The following FZD2 variants were observed in gnomAD, a reference collection of about 807,000 sequenced individuals.
The protein encoded by FZD2 is frizzled class receptor 2.
FZD2 carries 17 observed loss-of-function variants against 36.7 expected under a neutral mutation model. That is an observed-to-expected ratio of 0.46 (90% confidence interval 0.32 to 0.70). The LOEUF is 0.70. Among genes scored for constraint, FZD2 ranks in the 30% least tolerant of loss-of-function variants. FZD2 has a pLI of 0.04. For missense variants in FZD2, 525 were observed against 805.6 expected (o/e 0.65, Z 4.22); for synonymous variants, 333 against 359.6 (o/e 0.93, Z 0.84).
Position 44,558,410 on chromosome 17 carries a change from C to T in FZD2, c.722C>T (p.Thr241Met). 1.3e-6 allele frequency: 2 copies of T among 1,570,270 alleles called. No individual in the cohort carries two copies. The highest frequency in any genetic ancestry group is 1.7e-6 in the Non-Finnish European group (2 of 1,161,794). ...TCCATGTTCTTCTCACAGGAGGAGACGCGTTTCGCGCGCCTCTGGATCCTC... is the reference window on the plus strand; with the variant it reads ...TCCATGTTCTTCTCACAGGAGGAGATGCGTTTCGCGCGCCTCTGGATCCTC... ...DGSMFFSQEETRFARLWILTW... is the reference protein window; with the variant it reads ...DGSMFFSQEEMRFARLWILTW... Residue 241 changes from threonine to methionine, a missense_variant, in exon 1 of 1, where the codon ACG becomes ATG. Physicochemically the swap from Thr to Met is moderately conservative, Grantham distance 81 (BLOSUM62 -1). This residue lies in a region of FZD2 where 257 missense variants were observed against 344.4 expected (regional missense o/e 0.75). Coordinates refer to ENST00000315323, the MANE Select transcript of FZD2 (RefSeq NM_001466.4). The surrounding 1 kb of genome is among the most constrained non-coding windows in gnomAD (Gnocchi z 9.3).
rs1017947835 is a variant in FZD2, at chr17:44,557,787, C to G, written c.99C>G (p.Ile33Met). Reference protein sequence around the residue: ...AQFHGEKGISIPDHGFCQPIS... With the variant: ...AQFHGEKGISMPDHGFCQPIS... Reference sequence around the variant, plus strand: ...TCCACGGGGAGAAGGGCATCTCCATCCCGGACCACGGCTTCTGCCAGCCCA... The same window carrying G: ...TCCACGGGGAGAAGGGCATCTCCATGCCGGACCACGGCTTCTGCCAGCCCA... The change falls in exon 1 of 1, where the codon ATC (isoleucine) becomes ATG (methionine). Residue 33 changes from isoleucine to methionine, a missense_variant. By Grantham distance (10) the Ile-to-Met change is conservative. This residue lies in a region of FZD2 where 29 missense variants were observed against 82.4 expected (regional missense o/e 0.35). Transcript: ENST00000315323. This position sits in a 1 kb window ranked among gnomAD's most constrained non-coding sequence, Gnocchi z 4.9. 3.7e-6 allele frequency: 6 copies of G among 1,613,720 alleles called. No homozygotes were observed. Among genetic ancestry groups the G allele is most frequent in the African/African-American group, 1.3e-5 (1 of 75,032 alleles).
In FZD2 at chr17:44,557,692, C is replaced by A; in HGVS notation, c.4C>A (p.Arg2=). Residue 2 remains arginine, a synonymous_variant, in exon 1 of 1, where the codon CGG becomes AGG. Transcript: ENST00000315323. The surrounding 1 kb of genome is among the most constrained non-coding windows in gnomAD (Gnocchi z 4.9). M[R]PRSALPRLLL... Reference sequence around the variant, plus strand: ...CGGGTGGGGGGCGGCGGCCAGCATGCGGCCCCGCAGCGCCCTGCCCCGCCT... The same window carrying A: ...CGGGTGGGGGGCGGCGGCCAGCATGAGGCCCCGCAGCGCCCTGCCCCGCCT... The A allele has an allele frequency of 7.5e-7, 1 of 1,333,866 alleles. No homozygotes were observed. Among genetic ancestry groups the A allele is most frequent in the South Asian group, 2.1e-5 (1 of 47,094 alleles). The allele number at this position is 1,333,866 out of a possible 1,614,324, so 82.6% of individuals were successfully genotyped here.
At position 44,557,650 on chromosome 17, in the gene FZD2, G is replaced by A. The variant is rs938927008; in HGVS notation, c.-39G>A. The A allele has an allele frequency of 3.5e-6, 4 of 1,147,764 alleles. No homozygotes were observed. The African/African-American group carries it at 6.5e-5, about 19-fold the overall frequency. 71.1% of individuals were successfully genotyped at this position (1,147,764 alleles called of 1,614,324 possible). A position where few individuals can be genotyped will look rare whatever the true frequency, so the allele number is the denominator to read the frequency against. On this transcript the variant is annotated 5_prime_UTR_variant, in exon 1 of 1. Coordinates refer to ENST00000315323, the MANE Select transcript of FZD2 (RefSeq NM_001466.4). This position sits in a 1 kb window ranked among gnomAD's most constrained non-coding sequence, Gnocchi z 4.9. ...GTCTCCGGGTTGGGGGCGGGGGCGG[G>A]GGGGGCGCCAAGGAGCCGGGTGGGG...
chr17:44,557,746 G>C lies in FZD2; in HGVS notation c.58G>C (p.Ala20Pro). 1.2e-6 allele frequency: 2 copies of C among 1,607,626 alleles called. No individual in the cohort carries two copies. The highest frequency in any genetic ancestry group is 1.7e-6 in the Non-Finnish European group (2 of 1,177,894). ...LLLPLLLLPA[A>P]GPAQFHGEKG... ...GCTGCCGCTGCTGCTGCTGCCCGCC[G>C]CCGGGCCGGCCCAGTTCCACGGGGA... The change falls in exon 1 of 1, where the codon GCC (alanine) becomes CCC (proline). Residue 20 changes from alanine to proline, a missense_variant. Ala to Pro is a conservative substitution (Grantham distance 27, BLOSUM62 -1). Transcript: ENST00000315323. The surrounding 1 kb of genome is among the most constrained non-coding windows in gnomAD (Gnocchi z 4.9).
At position 44,559,533 on chromosome 17, in the gene FZD2, C is replaced by A. The variant is rs1248985732; in HGVS notation, c.*147C>A. On this transcript the variant is annotated 3_prime_UTR_variant, in exon 1 of 1. Transcript: ENST00000315323. The surrounding 1 kb of genome is among the most constrained non-coding windows in gnomAD (Gnocchi z 4.4). ...TTTTAAAAGAGAACTCTCTGCCCAA[C>A]ACCCCCACAAGGTTTGTAATTAAAA... 9.4e-7 allele frequency: 1 copy of A among 1,062,252 alleles called. No homozygotes were observed. The highest frequency in any genetic ancestry group is 1.3e-6 in the Non-Finnish European group (1 of 782,390). 65.8% of individuals were successfully genotyped at this position (1,062,252 alleles called of 1,614,324 possible). A position where few individuals can be genotyped will look rare whatever the true frequency, so the allele number is the denominator to read the frequency against.
rs1036921009 is a variant in FZD2 at position 44,557,638 on chromosome 17, G to A, written c.-51G>A. The A allele has an allele frequency of 1.8e-5, 20 of 1,097,954 alleles. No homozygotes were observed. The African/African-American group carries it at 2.3e-4, about 13-fold the overall frequency. 68.0% of individuals were successfully genotyped at this position (1,097,954 alleles called of 1,614,324 possible). On this transcript the variant is annotated 5_prime_UTR_variant, in exon 1 of 1. Transcript: ENST00000315323. This position sits in a 1 kb window ranked among gnomAD's most constrained non-coding sequence, Gnocchi z 4.9. ...GGAAGAAGCGCAGTCTCCGGGTTGG[G>A]GGCGGGGGCGGGGGGGGCGCCAAGG...
Position 44,558,147 on chromosome 17 carries a change from G to C in FZD2, c.459G>C (p.Gln153His). 5 of 1,596,642 alleles carry C rather than the reference G, an allele frequency of 3.1e-6. No homozygotes were observed. The highest frequency in any genetic ancestry group is 4.3e-6 in the Non-Finnish European group (5 of 1,173,440). The change falls in exon 1 of 1, where the codon CAG becomes CAC. Residue 153 changes from glutamine (Q) to histidine (H), a missense_variant. Coordinates refer to ENST00000315323, the MANE Select transcript of FZD2 (RefSeq NM_001466.4). The surrounding 1 kb of genome is among the most constrained non-coding windows in gnomAD (Gnocchi z 9.3). ...RHGAEQICVG[Q>H]NHSEDGAPAL... is the part of the protein sequence containing the mutation. ...GCGCCGAGCAGATCTGCGTCGGCCA[G>C]AACCACTCCGAGGACGGAGCTCCCG...
In FZD2 at chr17:44,559,970, T is replaced by C. The variant is rs1970870843; in HGVS notation, c.*584T>C. On this transcript the variant is annotated 3_prime_UTR_variant, in exon 1 of 1. Transcript: ENST00000315323. The surrounding 1 kb of genome is among the most constrained non-coding windows in gnomAD (Gnocchi z 4.4). The stretch of plus-strand genomic sequence containing the variant: ...TCTTTCCCTACTCATTTGTCCTGTC[T>C]TCTTCACTCACTCTTGGAAAAGTCC... Among the ~76,000 whole-genome samples the C allele has an allele frequency of 6.6e-6, 1 of 152,204 alleles. No individual in the cohort carries two copies. The highest frequency in any genetic ancestry group is 2.4e-5 in the African/African-American group (1 of 41,446).
Position 44,558,844 on chromosome 17 carries a change from A to C in FZD2, c.1156A>C (p.Thr386Pro). The C allele has an allele frequency of 6.2e-7, 1 of 1,613,736 alleles. No individual in the cohort carries two copies. Among genetic ancestry groups the C allele is most frequent in the Non-Finnish European group, 8.5e-7 (1 of 1,179,918 alleles). Residue 386 changes from threonine (T) to proline (P), a missense_variant, in exon 1 of 1, where the codon ACC becomes CCC. Physicochemically the swap from Thr to Pro is conservative, Grantham distance 38 (BLOSUM62 -1). Coordinates refer to ENST00000315323, the MANE Select transcript of FZD2 (RefSeq NM_001466.4). The surrounding 1 kb of genome is among the most constrained non-coding windows in gnomAD (Gnocchi z 9.3). ...GGCCGTGCCGGCCGTCAAGACCATC[A>C]CCATCCTGGCCATGGGCCAGATCGA... ...AWAVPAVKTI[T>P]ILAMGQIDGD...
Position 44,558,038 on chromosome 17 carries a change from C to T in FZD2, c.350C>T (p.Ala117Val). ...IPPCRSICER[A>V]RQGCEALMNK... ...CCGTGCCGCTCTATCTGTGAGCGCG[C>T]GCGCCAGGGCTGCGAAGCCCTCATG... The change falls in exon 1 of 1, where the codon GCG becomes GTG. Residue 117 changes from alanine (A) to valine (V), a missense_variant. By Grantham distance (64) the Ala-to-Val change is moderately conservative (BLOSUM62 0). Around this residue, in one of 5 missense-constraint regions of FZD2, gnomAD observed 257 missense variants for 344.4 expected, o/e 0.75. Coordinates refer to ENST00000315323, the MANE Select transcript of FZD2 (RefSeq NM_001466.4). The surrounding 1 kb of genome is among the most constrained non-coding windows in gnomAD (Gnocchi z 9.3). 6.2e-7 allele frequency: 1 copy of T among 1,612,848 alleles called. No homozygotes were observed. Among genetic ancestry groups the T allele is most frequent in the Non-Finnish European group, 8.5e-7 (1 of 1,180,002 alleles).
In FZD2 at chr17:44,561,235, A is replaced by G. The variant is rs1436884428; in HGVS notation, c.*1849A>G. Among the ~76,000 whole-genome samples, 1 of 152,224 alleles carries G rather than the reference A, an allele frequency of 6.6e-6. No homozygotes were observed. Reference sequence around the variant, plus strand: ...TGTAAATTAAAAGCTAATAATCATAATAATAAAGTGCATTTAATTATCTTT... The same window carrying G: ...TGTAAATTAAAAGCTAATAATCATAGTAATAAAGTGCATTTAATTATCTTT... On this transcript the variant is annotated 3_prime_UTR_variant, in exon 1 of 1. Transcript: ENST00000315323.
In FZD2 at chr17:44,558,600, G is replaced by C; in HGVS notation, c.912G>C (p.Val304=). 1 of 1,612,934 alleles carries C rather than the reference G, an allele frequency of 6.2e-7. No homozygotes were observed. Among genetic ancestry groups the C allele is most frequent in the South Asian group, 1.1e-5 (1 of 90,914 alleles). ...CGGGCTTCGTGCTCCAGGAGCGCGT[G>C]GTGTGCAACGAGCGCTTCTCCGAGG... ...YIAGFVLQER[V]VCNERFSEDG... is the part of the protein sequence containing the mutation. The change falls in exon 1 of 1, where the codon GTG becomes GTC. Residue 304 remains valine, a synonymous_variant. Transcript: ENST00000315323. The surrounding 1 kb of genome is among the most constrained non-coding windows in gnomAD (Gnocchi z 9.3).
rs181996309 is a variant in FZD2, at chr17:44,559,110, C to T, written c.1422C>T (p.Thr474=). Residue 474 remains threonine (T), a synonymous_variant, in exon 1 of 1, where the codon ACC becomes ACT. Coordinates refer to ENST00000315323, the MANE Select transcript of FZD2 (RefSeq NM_001466.4). This position sits in a 1 kb window ranked among gnomAD's most constrained non-coding sequence, Gnocchi z 4.4. Reference sequence around the variant, plus strand: ...CCGTGCTCTACACAGTGCCCGCCACCATCGTCATCGCTTGCTACTTCTACG... The same window carrying T: ...CCGTGCTCTACACAGTGCCCGCCACTATCGTCATCGCTTGCTACTTCTACG... ...VFSVLYTVPA[T]IVIACYFYEQ... is the part of the protein sequence containing the mutation. 194 of 1,614,110 alleles carry T rather than the reference C, an allele frequency of 1.2e-4. No homozygotes were observed. The highest frequency in any genetic ancestry group is 1.2e-3 in the Admixed American group (71 of 60,028).
Position 44,558,121 on chromosome 17 carries a change from G to C in FZD2, c.433G>C (p.Gly145Arg), listed in dbSNP as rs1390054192. 4 of 1,606,794 alleles carry C rather than the reference G, an allele frequency of 2.5e-6. No individual in the cohort carries two copies. The highest frequency in any genetic ancestry group is 2.7e-5 in the African/African-American group (2 of 74,972). ...RLRCEHFPRHGAEQICVGQNH... is the reference protein window; with the variant it reads ...RLRCEHFPRHRAEQICVGQNH... Reference sequence around the variant, plus strand: ...GCGCTGCGAGCACTTCCCGCGCCACGGCGCCGAGCAGATCTGCGTCGGCCA... The same window carrying C: ...GCGCTGCGAGCACTTCCCGCGCCACCGCGCCGAGCAGATCTGCGTCGGCCA... The change falls in exon 1 of 1, where the codon GGC (glycine) becomes CGC (arginine). Residue 145 changes from glycine to arginine, a missense_variant. Coordinates refer to ENST00000315323, the MANE Select transcript of FZD2 (RefSeq NM_001466.4). The surrounding 1 kb of genome is among the most constrained non-coding windows in gnomAD (Gnocchi z 9.3).
chr17:44,559,600 T>C lies in FZD2; in HGVS notation c.*214T>C, dbSNP rs1970866308. 4.4e-6 allele frequency: 2 copies of C among 458,770 alleles called. No homozygotes were observed. The highest frequency in any genetic ancestry group is 2.0e-5 in the African/African-American group (1 of 49,060). 28.4% of individuals were successfully genotyped at this position (458,770 alleles called of 1,614,324 possible). On this transcript the variant is annotated 3_prime_UTR_variant, in exon 1 of 1. Coordinates refer to ENST00000315323, the MANE Select transcript of FZD2 (RefSeq NM_001466.4). The surrounding 1 kb of genome is among the most constrained non-coding windows in gnomAD (Gnocchi z 4.4). ...TAAATTTAATTATATATATTTTCTA[T>C]TTAAAAGAAAAAAGGAGAAAAAAAA...
chr17:44,558,354 T>C lies in FZD2; in HGVS notation c.666T>C (p.Ala222=), dbSNP rs761511648. 3 of 1,527,850 alleles carry C rather than the reference T, an allele frequency of 2.0e-6. No individual in the cohort carries two copies. The highest frequency in any genetic ancestry group is 2.6e-6 in the Non-Finnish European group (3 of 1,143,886). The allele number at this position is 1,527,850 out of a possible 1,614,324, so 94.6% of individuals were successfully genotyped here. ...AGTTTCTGGGCGAGCGTGATTGTGC[T>C]GCGCCCTGCGAACCTGCGCGGCCCG... The part of the protein sequence containing the change: ...SYKFLGERDC[A]APCEPARPDG... The change falls in exon 1 of 1, where the codon GCT becomes GCC. Residue 222 remains alanine, a synonymous_variant. Coordinates refer to ENST00000315323, the MANE Select transcript of FZD2 (RefSeq NM_001466.4). This position sits in a 1 kb window ranked among gnomAD's most constrained non-coding sequence, Gnocchi z 9.3.
Position 44,558,521 on chromosome 17 carries a change from G to A in FZD2, c.833G>A (p.Arg278Gln). ...ATGCAGCGCTTCCGCTACCCAGAGC[G>A]GCCTATCATTTTTCTGTCGGGCTGC... is the stretch of plus-strand genomic sequence containing the variant. ...VDMQRFRYPE[R>Q]PIIFLSGCYT... The change falls in exon 1 of 1, where the codon CGG (arginine) becomes CAG (glutamine). Residue 278 changes from arginine to glutamine, a missense_variant. Arg to Gln is a conservative substitution (Grantham distance 43). This residue lies in a region of FZD2 where 257 missense variants were observed against 344.4 expected (regional missense o/e 0.75). Coordinates refer to ENST00000315323, the MANE Select transcript of FZD2 (RefSeq NM_001466.4). This position sits in a 1 kb window ranked among gnomAD's most constrained non-coding sequence, Gnocchi z 9.3. The A allele has an allele frequency of 6.3e-7, 1 of 1,586,250 alleles. No individual in the cohort carries two copies.
In FZD2 at chr17:44,558,550, A is replaced by G. The variant is rs1445369464; in HGVS notation, c.862A>G (p.Thr288Ala). ...RPIIFLSGCY[T>A]MVSVAYIAGF... The stretch of plus-strand genomic sequence containing the variant: ...TATCATTTTTCTGTCGGGCTGCTAC[A>G]CCATGGTGTCGGTGGCCTACATCGC... Residue 288 changes from threonine to alanine, a missense_variant, in exon 1 of 1, where the codon ACC becomes GCC. Transcript: ENST00000315323. This position sits in a 1 kb window ranked among gnomAD's most constrained non-coding sequence, Gnocchi z 9.3. The G allele has an allele frequency of 6.3e-7, 1 of 1,599,188 alleles. No homozygotes were observed. Among genetic ancestry groups the G allele is most frequent in the South Asian group, 1.1e-5 (1 of 89,006 alleles).
In FZD2 at chr17:44,561,020, G is replaced by A. The variant is rs1170556807; in HGVS notation, c.*1634G>A. Among the ~76,000 whole-genome samples the A allele has an allele frequency of 6.6e-6, 1 of 152,190 alleles. No individual in the cohort carries two copies. The highest frequency in any genetic ancestry group is 6.5e-5 in the Admixed American group (1 of 15,278). On this transcript the variant is annotated 3_prime_UTR_variant, in exon 1 of 1. Coordinates refer to ENST00000315323, the MANE Select transcript of FZD2 (RefSeq NM_001466.4). ...TGAGCCACAGTGCCTGGCCTGTCAA[G>A]ACTTCTCTTAAGTTAACTTCCTGAG...
Sources: gnomAD v4.1 joint callset for allele counts (sites outside exome capture counted in the v4.1 genomes callset) on GRCh38, gnomAD v4.1.1 for gene constraint, gnomAD v4.1.1 regional missense constraint, Gnocchi (gnomAD v3.1) non-coding constraint, MANE v1.5 for transcripts, NCBI Gene and HGNC (gene_info 2026-07-23, HGNC 2026-07-21) for gene names.